EXOC6B: variants seen among roughly 807,000 people sequenced by gnomAD.
The protein encoded by EXOC6B is exocyst complex component 6B.
A neutral mutation model predicts 113.5 loss-of-function variants in EXOC6B; 54 were observed. That is an observed-to-expected ratio of 0.48 (90% CI 0.38 to 0.60). EXOC6B has a LOEUF of 0.60. Ranked by LOEUF, EXOC6B falls within the 20% of genes least tolerant of loss-of-function variation. EXOC6B has a pLI of 0.00. For missense variants in EXOC6B, 797 were observed against 977.5 expected (o/e 0.82, Z 2.46); for synonymous variants, 357 against 339.0 (o/e 1.05, Z -0.58).
chr2:72,296,325 G>A (rs1002214705), intron 20 of EXOC6B, among the ~76,000 whole-genome samples: 1 of 151,972 alleles, frequency 6.6e-6, no homozygotes, highest in Non-Finnish European at 1.5e-5. Context: ...AAAAGCCTTC[G>A]AGTTGCCAAA....
intron 20 of EXOC6B, among the ~76,000 whole-genome samples, chr2:72,219,977 C>T (rs562141173): frequency 3.9e-5 from 6 of 152,072 alleles, no homozygotes; most frequent in African/African-American, 9.7e-5. Flanking sequence ...GTACAGCCTC[C>T]GGTAAGTCAC....
chr2:72,607,183 A>G (rs570363210), intron 6 of EXOC6B, among the ~76,000 whole-genome samples: 6 of 152,238 alleles, frequency 3.9e-5, no homozygotes, highest in African/African-American at 1.4e-4. Context: ...ATTTGAACTA[A>G]CTCCAATTCT....
chr2:72,553,319 G>C (rs1294499309), intron 8 of EXOC6B, among the ~76,000 whole-genome samples: 1 of 152,026 alleles, frequency 6.6e-6, no homozygotes, highest in Non-Finnish European at 1.5e-5. Context: ...TAATTTAAAA[G>C]ATCTTCCTCT....
intron 18 of EXOC6B, among the ~76,000 whole-genome samples, chr2:72,457,861 T>G (rs1461544917): frequency 1.3e-5 from 2 of 152,078 alleles, no homozygotes; most frequent in Non-Finnish European, 2.9e-5. Flanking sequence ...GAAAAAACAG[T>G]TGCAAAATTA....
chr2:72,770,427 A>G (rs1683350250), intron 1 of EXOC6B, among the ~76,000 whole-genome samples: 1 of 152,248 alleles, frequency 6.6e-6, no homozygotes, highest in African/African-American at 2.4e-5. Flanking sequence ...TAAAAAAAAT[A>G]CAGCTCATCT....
At chr2:72,190,988 G>A (rs1678794554) in intron 20 of EXOC6B, among the ~76,000 whole-genome samples, 1 of 152,172 alleles carries the variant, frequency 6.6e-6, no homozygotes, top group Non-Finnish European at 1.5e-5. Context: ...CATCATTAAT[G>A]ATGCTTTGAT....
intron 6 of EXOC6B, among the ~76,000 whole-genome samples, chr2:72,657,358 C>T (rs1466274759): frequency 2.7e-5 from 4 of 150,320 alleles, no homozygotes; most frequent in Admixed American, 6.6e-5. Context: ...CCCTAATAGC[C>T]GGGATTACAG....
intron 20 of EXOC6B, among the ~76,000 whole-genome samples, chr2:72,280,213 CTTT>C (rs1344336337): frequency 1.3e-5 from 2 of 151,820 alleles, no homozygotes; most frequent in Non-Finnish European, 2.9e-5. Context: ...TTATCATATT[CTTT>C]TTTTGAGAGT....
intron 19 of EXOC6B, among the ~76,000 whole-genome samples, chr2:72,364,233 G>A (rs777280033): frequency 1.1e-4 from 17 of 151,972 alleles, no homozygotes; most frequent in Non-Finnish European, 1.9e-4. Flanking sequence ...AAAATGAGGG[G>A]GGTGGTATAG....
intron 18 of EXOC6B, among the ~76,000 whole-genome samples, chr2:72,440,646 A>G (rs1696144912): frequency 6.6e-6 from 1 of 152,196 alleles, no homozygotes; most frequent in Non-Finnish European, 1.5e-5. Flanking sequence ...ACCAGCTAAC[A>G]TCATGAGGAC....
intron 20 of EXOC6B, among the ~76,000 whole-genome samples, chr2:72,296,271 G>T (rs1281085450): frequency 6.6e-6 from 1 of 152,062 alleles, no homozygotes; most frequent in Non-Finnish European, 1.5e-5. Flanking sequence ...ACCTTGATAT[G>T]TTTGGGGGAG....
intron 20 of EXOC6B, among the ~76,000 whole-genome samples, chr2:72,224,917 T>C (rs1262009037): frequency 1.3e-5 from 2 of 151,314 alleles, no homozygotes; most frequent in Admixed American, 6.6e-5. Context: ...TAGATGTGTA[T>C]ATATGTGTAT....
intron 19 of EXOC6B, among the ~76,000 whole-genome samples, chr2:72,344,204 C>A (rs1175870483): frequency 1.3e-5 from 2 of 152,090 alleles, no homozygotes; most frequent in Non-Finnish European, 2.9e-5. Flanking sequence ...CTGCTCAAAT[C>A]TGCCTTTGAA....
At position 72,322,085 on chromosome 2, in the gene EXOC6B, AAT is replaced by A. The variant is rs555460380; in HGVS notation, c.2196+12860_2196+12861del. Among the ~76,000 whole-genome samples, 907 of 152,302 alleles carry A rather than the reference AAT, an allele frequency of 6.0e-3. 11 individuals carry two copies. Among genetic ancestry groups the A allele is most frequent in the African/African-American group, 0.02 (840 of 41,572 alleles). On this transcript the variant is annotated intron_variant, in intron 20 of 21. Transcript: ENST00000272427. ...TCCATTCCTAGTATTACCTAGGGAA[AAT>A]AAAAAATATATGTTCATACAAACAG... is the stretch of plus-strand genomic sequence containing the variant.
At chr2:72,632,109 G>GA (rs1034497516) in intron 6 of EXOC6B, among the ~76,000 whole-genome samples, 1 of 151,408 alleles carries the variant, frequency 6.6e-6, no homozygotes, top group African/African-American at 2.4e-5. Context: ...GATTTAAAAA[G>GA]AAAAAAAAGC....
At chr2:72,220,016 T>C (rs867191771) in intron 20 of EXOC6B, among the ~76,000 whole-genome samples, 1 of 152,182 alleles carries the variant, frequency 6.6e-6, no homozygotes, top group Middle Eastern at 3.4e-3. Flanking sequence ...ATCTCCAAAA[T>C]GGGGATGAAA....
chr2:72,223,334 G>T (rs1037154951), intron 20 of EXOC6B, among the ~76,000 whole-genome samples: 4 of 152,130 alleles, frequency 2.6e-5, no homozygotes, highest in Admixed American at 2.0e-4. Context: ...AGTTATGAGT[G>T]CAGTGTATAA....
intron 20 of EXOC6B, among the ~76,000 whole-genome samples, chr2:72,258,457 G>A (rs1683492103): frequency 6.6e-6 from 1 of 150,398 alleles, no homozygotes; most frequent in African/African-American, 2.4e-5. Flanking sequence ...TTGACCTTGG[G>A]GGCTCAAGCA....
chr2:72,602,412 C>T (rs948888984), intron 6 of EXOC6B, among the ~76,000 whole-genome samples: 2 of 152,110 alleles, frequency 1.3e-5, no homozygotes, highest in African/African-American at 4.8e-5. Context: ...GAGAAAGAGA[C>T]AGAATAATGA....
Sources: gnomAD v4.1 joint callset for allele counts (sites outside exome capture counted in the v4.1 genomes callset) on GRCh38, gnomAD v4.1.1 for gene constraint, MANE v1.5 for transcripts, NCBI Gene and HGNC (gene_info 2026-07-23, HGNC 2026-07-21) for gene names.